The following XKR9 variants were observed in gnomAD, a reference collection of about 807,000 sequenced individuals.
XKR9 encodes the protein XK related 9.
Under a neutral mutation model 32.0 loss-of-function variants are expected in XKR9, and 32 were observed. The ratio of observed to expected loss-of-function variants is 1.00; its 90% confidence interval spans 0.76 to 1.34. The LOEUF (loss-of-function observed/expected upper bound fraction) is 1.34, where lower values mean the gene tolerates loss of function less well. XKR9 is among the 40% of genes most tolerant of loss of function. The pLI is 0.00. For synonymous variants in XKR9, 168 were observed against 143.4 expected (o/e 1.17, Z -1.22); for missense variants, 546 against 429.7 (o/e 1.27, Z -2.39).
the XKR9 span, among the ~76,000 whole-genome samples, chr8:71,057,032 A>T: frequency 6.6e-6 from 1 of 152,172 alleles, no homozygotes; most frequent in African/African-American, 2.4e-5. Flanking sequence ...CTTGCTGGCC[A>T]TGAAAGATCC....
chr8:71,018,471 T>C, the XKR9 span, among the ~76,000 whole-genome samples: 3 of 152,174 alleles, frequency 2.0e-5, no homozygotes, highest in Non-Finnish European at 2.9e-5. Context: ...TAATGGAGTA[T>C]CTGTGGGAGC....
At chr8:71,012,029 T>TA in the XKR9 span, among the ~76,000 whole-genome samples, 2 of 121,658 alleles carry the variant, frequency 1.6e-5, no homozygotes, top group Non-Finnish European at 4.0e-5. Context: ...TTGTCATCTA[T>TA]AGGGGGAAAA....
At chr8:70,688,540 C>G (rs1563423614) in intron 3 of XKR9, among the ~76,000 whole-genome samples, 1 of 152,012 alleles carries the variant, frequency 6.6e-6, no homozygotes, top group South Asian at 2.1e-4. Flanking sequence ...CCTCAGCCTT[C>G]TGAGTAGCTG....
At chr8:70,875,507 G>T in the XKR9 span, among the ~76,000 whole-genome samples, 1 of 152,142 alleles carries the variant, frequency 6.6e-6, no homozygotes. Flanking sequence ...AATTATGTTA[G>T]AAATCATTTT....
the XKR9 span, among the ~76,000 whole-genome samples, chr8:70,806,159 A>C: frequency 2.0e-5 from 3 of 152,214 alleles, no homozygotes; most frequent in African/African-American, 7.2e-5. Flanking sequence ...AAACTGCAGC[A>C]GCCCTACAGA....
At chr8:70,698,354 G>A (rs1397321321) in intron 3 of XKR9, among the ~76,000 whole-genome samples, 4 of 152,084 alleles carry the variant, frequency 2.6e-5, no homozygotes, top group East Asian at 1.9e-4. Context: ...ACACTGCTTT[G>A]AATGTGTCCC....
At chr8:70,822,244 T>G in the XKR9 span, among the ~76,000 whole-genome samples, 1 of 152,160 alleles carries the variant, frequency 6.6e-6, no homozygotes, top group African/African-American at 2.4e-5. Flanking sequence ...ATTTATTTTT[T>G]TATCCGGGCA....
downstream of XKR9, among the ~76,000 whole-genome samples, chr8:70,738,518 A>C (rs1394343695): frequency 6.7e-6 from 1 of 148,972 alleles, no homozygotes; most frequent in Admixed American, 6.7e-5. Context: ...CTACCTTTTG[A>C]ATGTGTTTGC....
chr8:71,020,626 T>G, the XKR9 span, among the ~76,000 whole-genome samples: 1 of 152,196 alleles, frequency 6.6e-6, no homozygotes, highest in Admixed American at 6.5e-5. Flanking sequence ...AATGGATAGT[T>G]TTTTAGTTGA....
At chr8:70,990,733 AAGAGAGAGAGAG>A in the XKR9 span, among the ~76,000 whole-genome samples, 36 of 143,286 alleles carry the variant, frequency 2.5e-4, no homozygotes, top group Admixed American at 9.0e-4. Flanking sequence ...TTGGCAGAAT[AAGAGAGAGAGAG>A]AGAGAGAGAG....
At chr8:70,997,652 C>T in the XKR9 span, among the ~76,000 whole-genome samples, 68 of 152,112 alleles carry the variant, frequency 4.5e-4, no homozygotes, top group Non-Finnish European at 1.6e-4. Context: ...AGGCTACACA[C>T]TGGGTACAGT....
the XKR9 span, among the ~76,000 whole-genome samples, chr8:71,041,860 CTG>C: frequency 6.6e-6 from 1 of 152,208 alleles, no homozygotes; most frequent in East Asian, 1.9e-4. Flanking sequence ...CCATGCAGAA[CTG>C]TGAGTCAATT....
At chr8:70,805,813 G>C in the XKR9 span, among the ~76,000 whole-genome samples, 1 of 152,170 alleles carries the variant, frequency 6.6e-6, no homozygotes, top group East Asian at 1.9e-4. Flanking sequence ...AGCAGATTTA[G>C]CCTTTCCTCC....
the XKR9 span, among the ~76,000 whole-genome samples, chr8:70,799,877 G>T: frequency 6.6e-6 from 1 of 152,094 alleles, no homozygotes; most frequent in African/African-American, 2.4e-5. Context: ...TGATTTCTGA[G>T]CCCAGAACTT....
chr8:71,026,343 T>G, the XKR9 span, among the ~76,000 whole-genome samples: 1 of 152,238 alleles, frequency 6.6e-6, no homozygotes, highest in African/African-American at 2.4e-5. Flanking sequence ...AATCTGTTTT[T>G]CCATTCTATT....
At chr8:70,726,255 G>C (rs955290282) in intron 4 of XKR9, among the ~76,000 whole-genome samples, 3 of 152,168 alleles carry the variant, frequency 2.0e-5, no homozygotes, top group Non-Finnish European at 4.4e-5. Flanking sequence ...CAAATATATA[G>C]CTCATTTTAA....
At chr8:70,957,994 G>T in the XKR9 span, among the ~76,000 whole-genome samples, 1 of 151,788 alleles carries the variant, frequency 6.6e-6, no homozygotes. Context: ...CACCATGTTG[G>T]CCAGGCTGGT....
chr8:70,890,995 T>C, the XKR9 span, among the ~76,000 whole-genome samples: 22 of 152,024 alleles, frequency 1.4e-4, no homozygotes, highest in African/African-American at 5.3e-4. Flanking sequence ...TGTTCAGGCT[T>C]TCTATTTCTT....
chr8:70,860,497 G>A, the XKR9 span, among the ~76,000 whole-genome samples: 1 of 152,028 alleles, frequency 6.6e-6, no homozygotes. Flanking sequence ...CTTTGTTATA[G>A]CAGCTGAAAT....
Sources: gnomAD v4.1 joint callset for allele counts (sites outside exome capture counted in the v4.1 genomes callset) on GRCh38, gnomAD v4.1.1 for gene constraint, MANE v1.5 for transcripts, NCBI Gene and HGNC (gene_info 2026-07-23, HGNC 2026-07-21) for gene names.